Variants in WWP1 observed in about 807,000 individuals in gnomAD.
WWP1 encodes the protein WW domain containing E3 ubiquitin protein ligase 1.
A neutral mutation model predicts 130.6 loss-of-function variants in WWP1; 49 were observed. That is an observed-to-expected ratio of 0.38 (90% CI 0.30 to 0.48). The LOEUF (loss-of-function observed/expected upper bound fraction) is 0.48, where lower values mean the gene tolerates loss of function less well. Among genes scored for constraint, WWP1 ranks in the 20% least tolerant of loss-of-function variants. WWP1 has a pLI of 0.99. For synonymous variants in WWP1, 332 were observed against 367.8 expected, an observed-to-expected ratio of 0.90 and a Z score of 1.11; for missense variants, 809 against 1,100.6, an observed-to-expected ratio of 0.74 and a Z score of 3.75.
At chr8:86,438,922 G>A (rs10088739) in intron 17 of WWP1, among the ~76,000 whole-genome samples, 93,518 of 151,854 alleles carry the variant, frequency 0.62, 29,456 homozygotes, top group African/African-American at 0.73. Flanking sequence ...TTTTTTAACA[G>A]TTAATCATAC....
chr8:86,353,494 T>G (rs1179353619), intron 1 of WWP1, among the ~76,000 whole-genome samples: 2 of 151,788 alleles, frequency 1.3e-5, no homozygotes, highest in East Asian at 3.9e-4. Flanking sequence ...AGCCTATTGT[T>G]TTTTTTTTCT....
In WWP1 at chr8:86,457,425, G is replaced by GTCTATCTA. The variant is rs746203287; in HGVS notation, c.2395-493_2395-492insATCTATCT. On this transcript the variant is annotated intron_variant, in intron 21 of 24. Transcript: ENST00000517970. ...GGGAGATCTATCTGTCTGTCTGTCT[G>GTCTATCTA]TCTGTCTATCTATCTATCTATCTAT... 5.2e-3 allele frequency among the ~76,000 whole-genome samples: 777 copies of GTCTATCTA among 150,646 alleles called. 11 individuals are homozygous for GTCTATCTA. The highest frequency in any genetic ancestry group is 0.018 in the African/African-American group (749 of 41,152).
intron 9 of WWP1, among the ~76,000 whole-genome samples, chr8:86,423,214 ATTTATTTAT>A (rs888407405): frequency 1.3e-5 from 2 of 151,720 alleles, no homozygotes; most frequent in Non-Finnish European, 2.9e-5. Flanking sequence ...ATTTTTATTT[ATTTATTTAT>A]TTTATTTATT....
intron 3 of WWP1, 109 bp from the exon 4 acceptor site, chr8:86,380,617 A>G: frequency 4.1e-6 from 5 of 1,230,016 alleles, no homozygotes; most frequent in Non-Finnish European, 5.4e-6. Flanking sequence ...TCTGCCAACG[A>G]GAAGAGTTCT....
chr8:86,355,778 A>G (rs1046186922), intron 1 of WWP1, among the ~76,000 whole-genome samples: 5 of 152,244 alleles, frequency 3.3e-5, no homozygotes, highest in African/African-American at 1.2e-4. Context: ...TTAACAGCCC[A>G]CAAAACCACC....
At chr8:86,343,557 T>G (rs542602765) in intron 1 of WWP1, among the ~76,000 whole-genome samples, 1 of 151,982 alleles carries the variant, frequency 6.6e-6, no homozygotes, top group Non-Finnish European at 1.5e-5. Flanking sequence ...GTTCTTTTTT[T>G]AAAAAAATTT....
intron 7 of WWP1, among the ~76,000 whole-genome samples, chr8:86,399,125 C>G (rs563554605): frequency 1.3e-5 from 2 of 152,130 alleles, no homozygotes; most frequent in Non-Finnish European, 2.9e-5. Context: ...GCAGCATATA[C>G]AGTGCTTTAT....
chr8:86,436,741 G>T (rs2130702322), intron 16 of WWP1, among the ~76,000 whole-genome samples: 1 of 152,238 alleles, frequency 6.6e-6, no homozygotes, highest in Middle Eastern at 3.4e-3. Context: ...ATGAAGTGGA[G>T]AATTTTTCAT....
intron 17 of WWP1, among the ~76,000 whole-genome samples, chr8:86,439,227 C>CA (rs1328140429): frequency 6.6e-6 from 1 of 150,748 alleles, no homozygotes; most frequent in African/African-American, 2.4e-5. Flanking sequence ...CCTGTAGTTC[C>CA]AGCTACTCGG....
intron 17 of WWP1, chr8:86,442,361 A>G (rs1191856342): frequency 2.1e-5 from 5 of 241,146 alleles, no homozygotes; most frequent in Non-Finnish European, 3.2e-5. Flanking sequence ...ATACCCAAGC[A>G]AAAGTGTGGC....
chr8:86,390,450 C>G (rs952681975), intron 5 of WWP1, among the ~76,000 whole-genome samples: 1 of 152,132 alleles, frequency 6.6e-6, no homozygotes, highest in Admixed American at 6.5e-5. Context: ...CCCGGCACTT[C>G]GGGAGGCCCA....
chr8:86,402,018 G>T lies in WWP1; in HGVS notation c.540-1G>T. The T allele has an allele frequency of 1.3e-6, 2 of 1,543,164 alleles. No homozygotes were observed. The highest frequency in any genetic ancestry group is 1.3e-5 in the South Asian group (1 of 79,380). On this transcript the variant is annotated splice_acceptor_variant, in intron 7 of 24. Transcript: ENST00000517970. LOFTEE classifies it high-confidence loss of function. The stretch of plus-strand genomic sequence containing the variant: ...TTGAAATAAGGCATTTTTTTTTCAA[G>T]GTTGGCTGTTGAAGGCACGAATGGA...
intron 2 of WWP1, among the ~76,000 whole-genome samples, chr8:86,373,292 C>T (rs1382258431): frequency 6.6e-6 from 1 of 151,798 alleles, no homozygotes; most frequent in African/African-American, 2.4e-5. Flanking sequence ...TTCATGAATA[C>T]CTGAGAAAAA....
intron 3 of WWP1, among the ~76,000 whole-genome samples, chr8:86,379,681 A>C (rs1454861912): frequency 6.6e-6 from 1 of 152,182 alleles, no homozygotes. Context: ...TTATAATGAC[A>C]TTTTGATTTT....
intron 23 of WWP1, 123 bp from the exon 24 acceptor site, chr8:86,461,651 A>G (rs1271547847): frequency 2.5e-6 from 2 of 792,822 alleles, no homozygotes; most frequent in East Asian, 2.5e-5. Context: ...AGCAGCTTAC[A>G]TTGTGAATTT....
At chr8:86,404,657 A>C (rs1364952508) in intron 8 of WWP1, among the ~76,000 whole-genome samples, 1 of 152,230 alleles carries the variant, frequency 6.6e-6, no homozygotes, top group South Asian at 2.1e-4. Context: ...ATAATAGCTC[A>C]TATTTGTGCC....
intron 8 of WWP1, among the ~76,000 whole-genome samples, chr8:86,402,526 A>G (rs1184081121): frequency 6.6e-6 from 1 of 152,164 alleles, no homozygotes; most frequent in Non-Finnish European, 1.5e-5. Flanking sequence ...TCCTGACCTC[A>G]AGTGATCTGC....
At chr8:86,378,151 C>T (rs192185640) in intron 3 of WWP1, among the ~76,000 whole-genome samples, 473 of 151,970 alleles carry the variant, frequency 3.1e-3, no homozygotes, top group Admixed American at 5.1e-3. Context: ...GTTTACTGTT[C>T]TTGATTTTTC....
chr8:86,442,897 G>A (rs1810667821), intron 18 of WWP1, 119 bp downstream of exon 18: 12 of 1,093,444 alleles, frequency 1.1e-5, no homozygotes, highest in Non-Finnish European at 1.4e-5. Context: ...TTGTTACCAA[G>A]AAAGTTTCCC....
Sources: allele counts gnomAD v4.1 joint callset (sites outside exome capture counted in the v4.1 genomes callset), GRCh38; gene constraint gnomAD v4.1.1; transcripts MANE v1.5; gene names NCBI Gene and HGNC (gene_info 2026-07-23, HGNC 2026-07-21).